AGGF1: variants seen among roughly 807,000 people sequenced by gnomAD.
The protein encoded by AGGF1 is angiogenic factor with G-patch and FHA domains 1.
In AGGF1, 56 loss-of-function variants were observed where a neutral mutation model predicts 86.5. That is an observed-to-expected ratio of 0.65 (90% CI 0.52 to 0.81). The LOEUF is 0.81. AGGF1 is among the 30% of genes least tolerant of loss of function. The pLI is 0.00. For missense variants in AGGF1, 816 were observed against 850.9 expected (o/e 0.96, Z 0.51); for synonymous variants, 313 against 297.1 (o/e 1.05, Z -0.55).
chr5:77,044,595 G>C (rs944994108), intron 5 of AGGF1, among the ~76,000 whole-genome samples: 1 of 151,964 alleles, frequency 6.6e-6, no homozygotes, highest in African/African-American at 2.4e-5. Context: ...TGCATATGTT[G>C]TTCAGTAAGT....
chr5:77,034,923 T>C (rs1746935850), intron 2 of AGGF1, among the ~76,000 whole-genome samples: 1 of 152,250 alleles, frequency 6.6e-6, no homozygotes, highest in African/African-American at 2.4e-5. Flanking sequence ...CATGGCCTTA[T>C]GAATGGCATT....
At chr5:77,047,834 T>C (rs1379016719) in intron 6 of AGGF1, among the ~76,000 whole-genome samples, 1 of 150,636 alleles carries the variant, frequency 6.6e-6, no homozygotes, top group South Asian at 2.1e-4. Flanking sequence ...TTTTTTTTTT[T>C]AATGGACTCA....
intron 5 of AGGF1, among the ~76,000 whole-genome samples, chr5:77,042,103 A>C (rs1014211197): frequency 3.3e-4 from 50 of 151,866 alleles, no homozygotes; most frequent in Middle Eastern, 6.9e-3. Context: ...GACACAGCAC[A>C]TGTTTCAGAG....
chr5:77,031,831 G>A (rs1008331486), intron 1 of AGGF1, among the ~76,000 whole-genome samples: 2 of 152,184 alleles, frequency 1.3e-5, no homozygotes, highest in African/African-American at 4.8e-5. Context: ...TTGAACCTAG[G>A]TGGTGGAGGT....
In AGGF1 at chr5:77,049,700, C is replaced by G. The variant is rs115446849; in HGVS notation, c.1365+713C>G. Among the ~76,000 whole-genome samples the G allele has an allele frequency of 5.6e-3, 850 of 152,176 alleles. 9 individuals are homozygous for G. The highest frequency in any genetic ancestry group is 0.019 in the African/African-American group (793 of 41,504). ...AGGTAGCTGGGACTACAGGCATACT[C>G]TACCATGCCCAGCTAATCTTTATGT... On this transcript the variant is annotated intron_variant, in intron 8 of 13. Coordinates refer to ENST00000312916, the MANE Select transcript of AGGF1 (RefSeq NM_018046.5).
At chr5:77,034,614 G>A (rs1746930301) in intron 2 of AGGF1, 94 bp downstream of exon 2, 1 of 895,972 alleles carries the variant, frequency 1.1e-6, no homozygotes, top group African/African-American at 1.6e-5. Flanking sequence ...CAAAGATCAA[G>A]GTAAATGAGA....
intron 1 of AGGF1, among the ~76,000 whole-genome samples, chr5:77,032,268 A>AAAAAAAC (rs1746876209): frequency 6.7e-6 from 1 of 150,136 alleles, no homozygotes; most frequent in Non-Finnish European, 1.5e-5. Flanking sequence ...AAAAAAAAAA[A>AAAAAAAC]AAAAAACAGG....
rs761722951 is a variant in AGGF1, at chr5:77,035,543, T to A, written c.316T>A (p.Tyr106Asn). 6 of 1,609,584 alleles carry A rather than the reference T, an allele frequency of 3.7e-6. No individual in the cohort carries two copies. The East Asian group carries it at 1.3e-4, about 36-fold the overall frequency. Residue 106 changes from tyrosine (Y) to asparagine (N), a missense_variant and splice_region_variant, in exon 3 of 14, where the codon TAT becomes AAT. Coordinates refer to ENST00000312916, the MANE Select transcript of AGGF1 (RefSeq NM_018046.5). ...TTCACTTCATTTTTTTGCTACAGATTATTTTTATCAGACGTACTACAATGA... is the reference window on the plus strand; with the variant it reads ...TTCACTTCATTTTTTTGCTACAGATAATTTTTATCAGACGTACTACAATGA... Reference protein sequence around the residue: ...ENHAPWSISDYFYQTYYNDVS... With the variant: ...ENHAPWSISDNFYQTYYNDVS...
At position 77,048,983 on chromosome 5, in the gene AGGF1, G is replaced by C; in HGVS notation, c.1361G>C (p.Ser454Thr). 1 of 1,613,636 alleles carries C rather than the reference G, an allele frequency of 6.2e-7. No individual in the cohort carries two copies. Among genetic ancestry groups the C allele is most frequent in the South Asian group, 1.1e-5 (1 of 91,074 alleles). Residue 454 changes from serine (S) to threonine (T), a missense_variant, in exon 8 of 14, where the codon AGT becomes ACT. Ser to Thr is a moderately conservative substitution (Grantham distance 58, BLOSUM62 1). Coordinates refer to ENST00000312916, the MANE Select transcript of AGGF1 (RefSeq NM_018046.5). ...HTLRIPEVGV[S>T]KFHAEIYFDH... is the part of the protein sequence containing the mutation. The stretch of plus-strand genomic sequence containing the variant: ...CTCCGAATCCCTGAAGTTGGTGTCA[G>C]TAAGGTAAGCTCTTTGATTTATCAA...
intron 5 of AGGF1, among the ~76,000 whole-genome samples, chr5:77,043,292 G>A (rs1300328724): frequency 2.9e-3 from 63 of 21,592 alleles, no homozygotes; most frequent in East Asian, 0.016. Flanking sequence ...CAGACGGGGC[G>A]GCTGGCCGGG....
chr5:77,044,262 C>A (rs1370969657), intron 5 of AGGF1, among the ~76,000 whole-genome samples: 1 of 152,044 alleles, frequency 6.6e-6, no homozygotes, highest in Admixed American at 6.5e-5. Flanking sequence ...GAGCCGAGAT[C>A]ACGCCACTGC....
intron 5 of AGGF1, among the ~76,000 whole-genome samples, chr5:77,043,940 T>A (rs1173059443): frequency 1.6e-5 from 2 of 123,580 alleles, no homozygotes; most frequent in African/African-American, 6.3e-5. Flanking sequence ...ACATCCCAGA[T>A]GGGGCGGCGG....
At position 77,061,800 on chromosome 5, in the gene AGGF1, C is replaced by A; in HGVS notation, c.1942C>A (p.Pro648Thr). ...LGKDGGGMKT[P>T]IQLQLRRTHA... ...GAAGGATGGTGGAGGAATGAAAACG[C>A]CGGTAAGACTTGGATTTTCTTTTAT... The change falls in exon 13 of 14, where the codon CCG becomes ACG. Residue 648 changes from proline to threonine, a missense_variant and splice_region_variant. By Grantham distance (38) the Pro-to-Thr change is conservative. Coordinates refer to ENST00000312916, the MANE Select transcript of AGGF1 (RefSeq NM_018046.5). 6.2e-7 allele frequency: 1 copy of A among 1,610,396 alleles called. No individual in the cohort carries two copies. The highest frequency in any genetic ancestry group is 8.5e-7 in the Non-Finnish European group (1 of 1,176,844).
At position 77,038,832 on chromosome 5, in the gene AGGF1, A is replaced by C. The variant is rs1309079259; in HGVS notation, c.682-699A>C. On this transcript the variant is annotated intron_variant, in intron 4 of 13. Transcript: ENST00000312916. ...TTTAGAGTACTGGCCAGTATATCAT[A>C]AATATAGGTGATTACCTAATTTTAT... Among the ~76,000 whole-genome samples the C allele has an allele frequency of 2.0e-5, 3 of 152,128 alleles. No homozygotes were observed. In the East Asian group the frequency reaches 5.8e-4, roughly 29 times the overall value.
chr5:77,055,337 C>T (rs1456778337), intron 10 of AGGF1, among the ~76,000 whole-genome samples, 177 bp from the exon 11 acceptor site: 1 of 151,984 alleles, frequency 6.6e-6, no homozygotes, highest in African/African-American at 2.4e-5. Context: ...GGTTTAGTTA[C>T]CAAAATGCTG....
chr5:77,055,690 A>AATG, intron 11 of AGGF1, 94 bp downstream of exon 11: 1 of 845,142 alleles, frequency 1.2e-6, no homozygotes, highest in Non-Finnish European at 1.9e-6. Context: ...TTATATATAA[A>AATG]TAGTTGTGTA....
chr5:77,036,852 C>G, intron 4 of AGGF1, 132 bp downstream of exon 4: 2 of 973,780 alleles, frequency 2.1e-6, no homozygotes, highest in Admixed American at 4.0e-5. Context: ...ATTCTTATGT[C>G]TCAGCATCCC....
At chr5:77,054,258 T>A in intron 10 of AGGF1, 128 bp downstream of exon 10, 1 of 1,137,548 alleles carries the variant, frequency 8.8e-7, no homozygotes, top group Non-Finnish European at 1.3e-6. Context: ...AGATATTTTA[T>A]ACAAAGCTAT....
chr5:77,052,604 T>TA, intron 8 of AGGF1, 102 bp from the exon 9 acceptor site: 1 of 781,718 alleles, frequency 1.3e-6, no homozygotes, highest in Admixed American at 2.6e-5. Context: ...TAATAAAATT[T>TA]AAATTATCAA....
Sources: allele counts gnomAD v4.1 joint callset (sites outside exome capture counted in the v4.1 genomes callset), GRCh38; gene constraint gnomAD v4.1.1; transcripts MANE v1.5; gene names NCBI Gene and HGNC (gene_info 2026-07-23, HGNC 2026-07-21).